The following MYO15B variants were observed in gnomAD, a reference collection of about 807,000 sequenced individuals.
MYO15B encodes the protein myosin XVB pseudogene.
MYO15B carries 207 observed loss-of-function variants against 119.3 expected under a neutral mutation model. That is an observed-to-expected ratio of 1.73 (90% CI 1.55 to 1.95). MYO15B has a LOEUF of 1.95. Ranked by LOEUF, MYO15B falls within the 30% of genes most tolerant of loss-of-function variation. MYO15B has a pLI of 0.00. For synonymous variants in MYO15B, 966 were observed against 498.9 expected, an observed-to-expected ratio of 1.94 and a Z score of -12.48; for missense variants, 2,264 against 1,203.1, an observed-to-expected ratio of 1.88 and a Z score of -13.04.
In MYO15B at chr17:75,619,205, GAA is replaced by G. The variant is rs1281930882; in HGVS notation, c.7052_7053del (p.Lys2351ArgfsTer122). 5.7e-6 allele frequency: 4 copies of G among 702,722 alleles called. No individual in the cohort carries two copies. Among genetic ancestry groups the G allele is most frequent in the Non-Finnish European group, 1.0e-5 (4 of 385,002 alleles). 43.5% of individuals were successfully genotyped at this position (702,722 alleles called of 1,614,324 possible). On this transcript the variant is annotated frameshift_variant, in exon 44 of 64. Transcript: ENST00000645453. LOFTEE classifies it high-confidence loss of function. Reference sequence around the variant, plus strand: ...TTTCCCAGAATGAGCGGCGGAAAATGAAAGACCTGCTGGGTATGGGTCCAGGG... The same window carrying G: ...TTTCCCAGAATGAGCGGCGGAAAATGAGACCTGCTGGGTATGGGTCCAGGG...
chr17:75,612,840 C>T (rs1240613447), exon 26 of MYO15B: 2 of 702,902 alleles, frequency 2.8e-6, no homozygotes, highest in Non-Finnish European at 5.2e-6. Context: ...GGCGAAGCCC[C>T]TAACCCAGCT....
exon 53 of MYO15B, chr17:75,622,075 C>T (rs765296780): frequency 1.4e-6 from 1 of 703,014 alleles, no homozygotes; most frequent in Non-Finnish European, 2.6e-6. Flanking sequence ...CTATGAACTG[C>T]TGAAGGTAAG....
At chr17:75,626,713 A>G in exon 64 of MYO15B, 1 of 570,036 alleles carries the variant, frequency 1.8e-6, no homozygotes, top group Non-Finnish European at 3.1e-6. Flanking sequence ...GGCTGCAGGA[A>G]CTCGGCTGGG....
chr17:75,621,144 C>A (rs541035542), exon 50 of MYO15B: 1 of 700,886 alleles, frequency 1.4e-6, no homozygotes. Context: ...TGCAGGAATT[C>A]GCCCGGCGTT....
At chr17:75,592,961 G>A in intron 9 of MYO15B, 121 bp downstream of exon 9, 1 of 606,060 alleles carries the variant, frequency 1.7e-6, no homozygotes. Context: ...CCTGAAAAGT[G>A]GGTAGATCCC....
intron 29 of MYO15B, 139 bp from the exon 30 acceptor site, chr17:75,614,060 T>G: frequency 1.6e-6 from 1 of 617,950 alleles, no homozygotes; most frequent in East Asian, 2.7e-5. Context: ...CCCCCACTGC[T>G]GAGCAAACCT....
intron 42 of MYO15B, 79 bp downstream of exon 42, chr17:75,618,001 G>A (rs541045032): frequency 6.1e-4 from 423 of 691,386 alleles, no homozygotes; most frequent in Non-Finnish European, 1.0e-3. Flanking sequence ...CCCAGCCTGG[G>A]ACCCCAGCAT....
At position 75,589,247 on chromosome 17, in the gene MYO15B, G is replaced by A; in HGVS notation, c.1190G>A (p.Gly397Asp). The change falls in exon 1 of 64, where the codon GGT becomes GAT. Residue 397 changes from glycine (G) to aspartate (D), a missense_variant. Transcript: ENST00000645453. The surrounding 1 kb of genome is among the most constrained non-coding windows in gnomAD (Gnocchi z 4.2). ...CGGCCGCCAGAGGGCGAGGGGCAGG[G>A]TACCGGGCCACGGGCGAGCGAGGGG... 1 of 400,382 alleles carries A rather than the reference G, an allele frequency of 2.5e-6. No individual in the cohort carries two copies. Among genetic ancestry groups the A allele is most frequent in the Non-Finnish European group, 4.4e-6 (1 of 227,778 alleles). The allele number at this position is 400,382 out of a possible 1,614,324, so 24.8% of individuals were successfully genotyped here. A position where few individuals can be genotyped will look rare whatever the true frequency, so the allele number is the denominator to read the frequency against.
intron 21 of MYO15B, among the ~76,000 whole-genome samples, chr17:75,607,905 C>G (rs1407736835): frequency 6.6e-6 from 1 of 152,108 alleles, no homozygotes; most frequent in African/African-American, 2.4e-5. Flanking sequence ...ATGTTTCTAC[C>G]AGCAATGTAC....
chr17:75,601,815 C>T lies in MYO15B; in HGVS notation c.3651+252C>T, dbSNP rs531854292. 2.6e-5 allele frequency among the ~76,000 whole-genome samples: 4 copies of T among 152,356 alleles called. No individual in the cohort carries two copies. In the South Asian group the frequency reaches 6.2e-4, roughly 24 times the overall value. On this transcript the variant is annotated intron_variant, in intron 15 of 63. Coordinates refer to ENST00000645453, the Ensembl canonical transcript of MYO15B. ...AGTGGGCAGAGCACAAGCATGGGAC[C>T]TGATGACCTTGGCAGTTTACTTCGC...
chr17:75,597,980 G>A (rs1269339397), intron 14 of MYO15B, among the ~76,000 whole-genome samples: 2 of 152,008 alleles, frequency 1.3e-5, no homozygotes, highest in South Asian at 2.1e-4. Flanking sequence ...ACCCCTGTGC[G>A]GCTCCGTGGG....
chr17:75,606,971 C>T (rs185065753), intron 21 of MYO15B: 3 of 398,404 alleles, frequency 7.5e-6, no homozygotes, highest in South Asian at 1.3e-4. Context: ...GTTGGCTGAC[C>T]GTCTGCCTCA....
At chr17:75,620,139 T>C (rs954755112) in intron 47 of MYO15B, 107 bp from the exon 48 acceptor site, 2 of 685,002 alleles carry the variant, frequency 2.9e-6, no homozygotes, top group African/African-American at 3.5e-5. Flanking sequence ...CCTGGAAGTC[T>C]GGGGTGCTAG....
At chr17:75,602,743 G>A (rs1044203302) in intron 16 of MYO15B, 87 bp from the exon 17 acceptor site, 61 of 604,350 alleles carry the variant, frequency 1.0e-4, no homozygotes, top group South Asian at 9.2e-4. Flanking sequence ...TCTGGATGCC[G>A]AGGGCTGGTC....
At chr17:75,588,645 C>T (rs2056214122) in exon 1 of MYO15B, 1 of 400,724 alleles carries the variant, frequency 2.5e-6, no homozygotes, top group Non-Finnish European at 4.4e-6. Flanking sequence ...GGACAAAAAC[C>T]GGGCCGGAGT....
At chr17:75,612,057 C>T (rs1021007937) in intron 25 of MYO15B, 41 bp downstream of exon 25, 6 of 699,390 alleles carry the variant, frequency 8.6e-6, no homozygotes, top group Non-Finnish European at 1.6e-5. Flanking sequence ...GGCCTCACCG[C>T]TCTGAGTTAG....
intron 14 of MYO15B, among the ~76,000 whole-genome samples, chr17:75,600,960 A>G (rs8071621): frequency 0.021 from 3,132 of 147,532 alleles, 82 homozygotes; most frequent in African/African-American, 0.073. Context: ...CTGTAGTGCA[A>G]TGGTGCCATC....
In MYO15B at chr17:75,617,833, CA is replaced by C. The variant is rs1241439182; in HGVS notation, c.6839del (p.Gln2280ArgfsTer44). The C allele has an allele frequency of 2.8e-6, 2 of 702,812 alleles. No individual in the cohort carries two copies. The highest frequency in any genetic ancestry group is 5.2e-6 in the Non-Finnish European group (2 of 384,990). The allele number at this position is 702,812 out of a possible 1,614,324, so 43.5% of individuals were successfully genotyped here. ...AGGCTTGACACAGCCCGTGGAGGAC[CA>C]GGGGGTCTCCACCCAGCTACTCGCG... On this transcript the variant is annotated frameshift_variant, in exon 42 of 64. Coordinates refer to ENST00000645453, the Ensembl canonical transcript of MYO15B. LOFTEE classifies it high-confidence loss of function.
exon 33 of MYO15B, chr17:75,614,975 C>G (rs886068472): frequency 1.4e-6 from 1 of 703,096 alleles, no homozygotes; most frequent in Non-Finnish European, 2.6e-6. Context: ...TGGAACAAAG[C>G]TGGGCTCTGA....
Sources: allele counts gnomAD v4.1 joint callset (sites outside exome capture counted in the v4.1 genomes callset), GRCh38; gene constraint gnomAD v4.1.1; non-coding constraint Gnocchi (gnomAD v3.1); transcripts MANE v1.5; gene names NCBI Gene and HGNC (gene_info 2026-07-23, HGNC 2026-07-21).